The following N4BP2L2 variants were observed in gnomAD, a reference collection of about 807,000 sequenced individuals.
The protein encoded by N4BP2L2 is NEDD4-binding protein 2-like 2.
In N4BP2L2, 50 loss-of-function variants were observed where a neutral mutation model predicts 56.2. The observed-to-expected ratio is 0.89, with a 90% CI of 0.71 to 1.13. The LOEUF (loss-of-function observed/expected upper bound fraction) is 1.13, where lower values mean the gene tolerates loss of function less well. Ranked by LOEUF, N4BP2L2 falls within the 50% of genes most tolerant of loss-of-function variation. N4BP2L2 has a pLI of 0.00. For synonymous variants in N4BP2L2, 203 were observed against 223.6 expected (o/e 0.91, Z 0.82); for missense variants, 689 against 693.8 (o/e 0.99, Z 0.08).
chr13:32,512,498 A>G (rs1382836936), exon 6 of N4BP2L2: 1 of 152,238 alleles, frequency 6.6e-6, no homozygotes, highest in Non-Finnish European at 1.5e-5. Flanking sequence ...TGTAATTATT[A>G]CAATTACCAC....
At chr13:32,435,847 CAT>C (rs1460529611) in intron 9 of N4BP2L2, among the ~76,000 whole-genome samples, 3 of 152,212 alleles carry the variant, frequency 2.0e-5, no homozygotes, top group African/African-American at 7.2e-5. Context: ...CAAATGCAGA[CAT>C]ATATGCACTG....
At chr13:32,510,286 TTAACA>T (rs1472965013), downstream of N4BP2L2, 1 of 152,058 alleles carries the variant, frequency 6.6e-6, no homozygotes, top group Non-Finnish European at 1.5e-5. Flanking sequence ...AAAATCCAAC[TTAACA>T]TAATTTAGCA....
intron 6 of N4BP2L2, chr13:32,480,481 T>C: frequency 2.0e-6 from 1 of 505,420 alleles, no homozygotes; most frequent in South Asian, 1.9e-5. Context: ...TTGGACGGCA[T>C]CATATTTAAA....
intron 6 of N4BP2L2, among the ~76,000 whole-genome samples, chr13:32,502,732 A>G (rs1461295008): frequency 6.6e-6 from 1 of 152,186 alleles, no homozygotes; most frequent in Non-Finnish European, 1.5e-5. Context: ...TCTGCTCTTT[A>G]CAACAATCCC....
chr13:32,486,064 T>TCAAA (rs539599786), intron 6 of N4BP2L2, among the ~76,000 whole-genome samples: 1 of 151,350 alleles, frequency 6.6e-6, no homozygotes, highest in East Asian at 1.9e-4. Flanking sequence ...AGATGTCATC[T>TCAAA]CAAACAAACA....
downstream of N4BP2L2, chr13:32,510,145 G>A (rs2139742195): frequency 6.6e-6 from 1 of 152,088 alleles, no homozygotes; most frequent in Non-Finnish European, 1.5e-5. Flanking sequence ...GAAAATTTAT[G>A]TAATTTCCAT....
At chr13:32,511,832 T>C (rs2048205037) in exon 6 of N4BP2L2, 1 of 151,620 alleles carries the variant, frequency 6.6e-6, no homozygotes, top group Non-Finnish European at 1.5e-5. Flanking sequence ...AAAAGAAATA[T>C]GATTTCTAAG....
chr13:32,492,272 A>ATTTTTTTT (rs1185615708), intron 6 of N4BP2L2, among the ~76,000 whole-genome samples: 3 of 77,042 alleles, frequency 3.9e-5, no homozygotes, highest in African/African-American at 1.7e-4. Flanking sequence ...AAAACACCAA[A>ATTTTTTTT]ATTTTTTTTT....
intron 8 of N4BP2L2, chr13:32,438,625 TACAC>T (rs374411974): frequency 3.0e-5 from 43 of 1,424,190 alleles, no homozygotes; most frequent in Non-Finnish European, 3.8e-5. Flanking sequence ...CAAAAATACA[TACAC>T]ACACACACAC....
downstream of N4BP2L2, among the ~76,000 whole-genome samples, chr13:32,509,768 T>C (rs902802669): frequency 3.5e-4 from 53 of 152,242 alleles, no homozygotes; most frequent in African/African-American, 1.2e-3. Flanking sequence ...TATCTTAATC[T>C]ATTCATAAAA....
At chr13:32,477,747 A>T in intron 6 of N4BP2L2, 1 of 576,310 alleles carries the variant, frequency 1.7e-6, no homozygotes, top group Non-Finnish European at 2.6e-6. Context: ...CCTTGAGCCT[A>T]AGTGGTAAAA....
At chr13:32,526,890 G>C (rs978983091) in intron 3 of N4BP2L2, 2 of 130,722 alleles carry the variant, frequency 1.5e-5, no homozygotes, top group African/African-American at 5.9e-5. Flanking sequence ...TGTAGCCCAG[G>C]TTAAGAACCC....
At chr13:32,451,690 G>T (rs1470288026) in intron 6 of N4BP2L2, among the ~76,000 whole-genome samples, 1 of 151,116 alleles carries the variant, frequency 6.6e-6, no homozygotes, top group Non-Finnish European at 1.5e-5. Context: ...CCACAGGTAT[G>T]TGCCACCATG....
At chr13:32,496,896 A>G (rs2088812517) in intron 6 of N4BP2L2, among the ~76,000 whole-genome samples, 1 of 152,182 alleles carries the variant, frequency 6.6e-6, no homozygotes, top group South Asian at 2.1e-4. Context: ...GAACTCCTGA[A>G]TCTTTCAGCT....
intron 6 of N4BP2L2, among the ~76,000 whole-genome samples, chr13:32,484,796 T>A (rs1335554104): frequency 6.6e-6 from 1 of 152,184 alleles, no homozygotes. Context: ...TAATTCTTTT[T>A]AAAAAATAGC....
At chr13:32,505,739 A>G (rs2090840895), downstream of N4BP2L2, 1 of 152,216 alleles carries the variant, frequency 6.6e-6, no homozygotes, top group South Asian at 2.1e-4. Context: ...TTCCTACCAG[A>G]AACACCTTTA....
chr13:32,521,388 G>C, exon 5 of N4BP2L2: 1 of 1,610,384 alleles, frequency 6.2e-7, no homozygotes, highest in Non-Finnish European at 8.5e-7. Context: ...TAATTCTTCA[G>C]GATCAAATTT....
At chr13:32,440,693 C>T (rs933981308) in intron 7 of N4BP2L2, among the ~76,000 whole-genome samples, 6 of 152,092 alleles carry the variant, frequency 3.9e-5, no homozygotes, top group African/African-American at 7.2e-5. Context: ...GAACTCCTCA[C>T]CTCAGGTGAT....
intron 6 of N4BP2L2, among the ~76,000 whole-genome samples, chr13:32,483,850 G>A (rs2085275433): frequency 6.6e-6 from 1 of 152,028 alleles, no homozygotes; most frequent in East Asian, 1.9e-4. Flanking sequence ...AGGTGTAGTG[G>A]TGCACGCCTG....
Sources: gnomAD v4.1 joint callset for allele counts (sites outside exome capture counted in the v4.1 genomes callset) on GRCh38, gnomAD v4.1.1 for gene constraint, MANE v1.5 for transcripts, NCBI Gene and HGNC (gene_info 2026-07-23, HGNC 2026-07-21) for gene names.